The following DCLK1 variants were observed in gnomAD, a reference collection of about 807,000 sequenced individuals.
DCLK1 encodes the protein doublecortin like kinase 1.
Under a neutral mutation model 86.2 loss-of-function variants are expected in DCLK1, and 16 were observed. That is an observed-to-expected ratio of 0.19 (90% CI 0.13 to 0.28). The LOEUF is 0.28. Ranked by LOEUF, DCLK1 falls within the 10% of genes least tolerant of loss-of-function variation. The pLI, the probability that DCLK1 is intolerant of heterozygous loss-of-function variation, is 1.00. For missense variants in DCLK1, 590 were observed against 940.2 expected, an observed-to-expected ratio of 0.63 and a Z score of 4.87; for synonymous variants, 369 against 370.5, an observed-to-expected ratio of 1.00 and a Z score of 0.05.
chr13:36,123,062 G>T (rs955196682), intron 2 of DCLK1, among the ~76,000 whole-genome samples: 4 of 152,128 alleles, frequency 2.6e-5, no homozygotes, highest in Non-Finnish European at 4.4e-5. Flanking sequence ...ATAACTATAA[G>T]TCCAATACAC....
intron 7 of DCLK1, among the ~76,000 whole-genome samples, chr13:35,838,883 C>T (rs1438837203): frequency 6.6e-6 from 1 of 152,136 alleles, no homozygotes; most frequent in Non-Finnish European, 1.5e-5. Flanking sequence ...GGAAATGTCT[C>T]CGAAATGGGC....
intron 3 of DCLK1, among the ~76,000 whole-genome samples, chr13:36,020,352 C>T (rs1881723058): frequency 6.6e-6 from 1 of 152,136 alleles, no homozygotes; most frequent in East Asian, 1.9e-4. Flanking sequence ...AGAAGCACTT[C>T]TGGAATGGCT....
chr13:35,895,772 GC>G (rs1873932850), intron 4 of DCLK1, among the ~76,000 whole-genome samples: 1 of 151,144 alleles, frequency 6.6e-6, no homozygotes. Context: ...AACAGTAATT[GC>G]CTATACTCTA....
At chr13:35,802,306 T>G (rs1459086275) in intron 15 of DCLK1, among the ~76,000 whole-genome samples, 2 of 148,618 alleles carry the variant, frequency 1.3e-5, no homozygotes, top group Non-Finnish European at 3.0e-5. Context: ...CATTCCAGCC[T>G]GGGTGACAGA....
chr13:36,024,824 AT>A (rs1407011614), intron 3 of DCLK1, among the ~76,000 whole-genome samples: 1 of 152,218 alleles, frequency 6.6e-6, no homozygotes, highest in Non-Finnish European at 1.5e-5. Flanking sequence ...ACACTTCCCA[AT>A]TTCAAAATTT....
chr13:35,840,773 C>T (rs1322648388), intron 6 of DCLK1, among the ~76,000 whole-genome samples: 1 of 152,210 alleles, frequency 6.6e-6, no homozygotes, highest in Non-Finnish European at 1.5e-5. Flanking sequence ...ATAACCCACA[C>T]TGTGGAAGGG....
At chr13:35,973,629 A>G (rs1879175122) in intron 3 of DCLK1, among the ~76,000 whole-genome samples, 2 of 152,236 alleles carry the variant, frequency 1.3e-5, no homozygotes, top group Admixed American at 1.3e-4. Flanking sequence ...AAATGAATGA[A>G]TAAATGAATG....
Position 35,778,700 on chromosome 13 carries a change from T to C in DCLK1, c.2059-4001A>G, listed in dbSNP as rs546369205. ...GCTGCTTCTCCCATCCTGGGAACCATGTGAAGTCCAACACTAAAGCCAACA... is the reference window on the plus strand; with the variant it reads ...GCTGCTTCTCCCATCCTGGGAACCACGTGAAGTCCAACACTAAAGCCAACA... On this transcript the variant is annotated intron_variant, in intron 16 of 16. Transcript: ENST00000360631. Among the ~76,000 whole-genome samples the C allele has an allele frequency of 7.2e-5, 11 of 152,264 alleles. No homozygotes were observed. The South Asian group carries it at 2.1e-3, about 29-fold the overall frequency.
chr13:36,018,241 C>T (rs1881619567), intron 3 of DCLK1, among the ~76,000 whole-genome samples: 2 of 152,168 alleles, frequency 1.3e-5, no homozygotes, highest in Admixed American at 1.3e-4. Context: ...TCAGTTTGTA[C>T]ACATCCCTAT....
At chr13:35,808,613 A>G (rs191121756) in intron 13 of DCLK1, among the ~76,000 whole-genome samples, 10 of 152,174 alleles carry the variant, frequency 6.6e-5, no homozygotes, top group African/African-American at 2.4e-4. Context: ...TGAAACCCCC[A>G]TCTCTACTAA....
intron 3 of DCLK1, among the ~76,000 whole-genome samples, chr13:36,082,587 C>T (rs1884457865): frequency 6.6e-6 from 1 of 152,082 alleles, no homozygotes; most frequent in African/African-American, 2.4e-5. Flanking sequence ...TGAGTCATTT[C>T]CCCCAGACTG....
Position 35,832,268 on chromosome 13 carries a change from C to T in DCLK1, c.1229+3765G>A, listed in dbSNP as rs142117617. ...TGAGCTATGATCTTGCCACTGCACT[C>T]CAGCCTGGGTGACACAGCAAGACCC... On this transcript the variant is annotated intron_variant, in intron 8 of 16. Coordinates refer to ENST00000360631, the MANE Select transcript of DCLK1 (RefSeq NM_001330071.2). Among the ~76,000 whole-genome samples, 1,021 of 152,250 alleles carry T rather than the reference C, an allele frequency of 6.7e-3. 3 individuals are homozygous for T. Among genetic ancestry groups the T allele is most frequent in the Middle Eastern group, 0.037 (11 of 294 alleles).
intron 4 of DCLK1, among the ~76,000 whole-genome samples, chr13:35,878,000 A>G (rs1872681753): frequency 1.3e-5 from 2 of 152,114 alleles, no homozygotes; most frequent in Non-Finnish European, 2.9e-5. Flanking sequence ...AAGGCTGTCA[A>G]TGGTTAATGA....
chr13:36,067,739 C>T (rs1032368243), intron 3 of DCLK1, among the ~76,000 whole-genome samples: 2 of 151,998 alleles, frequency 1.3e-5, no homozygotes, highest in Non-Finnish European at 2.9e-5. Flanking sequence ...CACTGAAATG[C>T]CAGGGTTCTT....
chr13:36,091,097 G>C (rs952436174), intron 3 of DCLK1, among the ~76,000 whole-genome samples: 2 of 152,198 alleles, frequency 1.3e-5, no homozygotes, highest in East Asian at 3.8e-4. Context: ...ACCTTTGTCA[G>C]ATGGGTAGAT....
chr13:36,029,702 A>G (rs1318251927), intron 3 of DCLK1, among the ~76,000 whole-genome samples: 1 of 152,142 alleles, frequency 6.6e-6, no homozygotes, highest in Non-Finnish European at 1.5e-5. Flanking sequence ...TATTTGGGGT[A>G]TTTTGGTTAA....
intron 3 of DCLK1, among the ~76,000 whole-genome samples, chr13:36,016,134 GT>G (rs1235108562): frequency 6.6e-6 from 1 of 152,104 alleles, no homozygotes; most frequent in East Asian, 1.9e-4. Flanking sequence ...CACATTTCGT[GT>G]TCAAATGGCT....
At chr13:36,116,851 A>G (rs1419653253) in intron 2 of DCLK1, among the ~76,000 whole-genome samples, 3 of 152,240 alleles carry the variant, frequency 2.0e-5, no homozygotes, top group African/African-American at 4.8e-5. Context: ...ATTAAATTAC[A>G]TGAAATATTG....
intron 2 of DCLK1, among the ~76,000 whole-genome samples, chr13:36,117,339 T>A (rs1885824863): frequency 6.6e-6 from 1 of 152,004 alleles, no homozygotes; most frequent in Non-Finnish European, 1.5e-5. Context: ...GGAGGGTGCT[T>A]AAATAGTAAG....
Sources: gnomAD v4.1 joint callset for allele counts (sites outside exome capture counted in the v4.1 genomes callset) on GRCh38, gnomAD v4.1.1 for gene constraint, MANE v1.5 for transcripts, NCBI Gene and HGNC (gene_info 2026-07-23, HGNC 2026-07-21) for gene names.